TECPR1: variants seen among roughly 807,000 people sequenced by gnomAD.
TECPR1 encodes tectonin beta-propeller repeat containing 1, also known as tectonin beta-propeller repeat-containing protein 1.
TECPR1 carries 122 observed loss-of-function variants against 162.4 expected under a neutral mutation model. That is an observed-to-expected ratio of 0.75 (90% confidence interval 0.65 to 0.87). TECPR1 has a LOEUF of 0.87. Ranked by LOEUF, TECPR1 falls within the 40% of genes least tolerant of loss-of-function variation. TECPR1 has a pLI of 0.00. For missense variants in TECPR1, 1,432 were observed against 1,618.2 expected (o/e 0.88, Z 1.97); for synonymous variants, 642 against 670.6 (o/e 0.96, Z 0.66).
Position 98,232,728 on chromosome 7 carries a change from CATCT to C in TECPR1, c.1818+95_1818+98del, listed in dbSNP as rs1305102076. The C allele has an allele frequency of 5.8e-6, 8 of 1,381,142 alleles. No homozygotes were observed. Among genetic ancestry groups the C allele is most frequent in the Non-Finnish European group, 7.6e-6 (8 of 1,046,204 alleles). 85.6% of individuals were successfully genotyped at this position (1,381,142 alleles called of 1,614,324 possible). On this transcript the variant is annotated intron_variant, in intron 12 of 25. Coordinates refer to ENST00000447648, the MANE Select transcript of TECPR1 (RefSeq NM_015395.3). The surrounding 1 kb of genome is among the most constrained non-coding windows in gnomAD (Gnocchi z 4.6). ...TGGGCGGGAGACCAGGGGATGGAGG[CATCT>C]ATCTGTTTCTCTCAGAGCTGGTACA...
intron 16 of TECPR1, chr7:98,228,810 G>A: frequency 2.0e-6 from 1 of 509,414 alleles, no homozygotes; most frequent in Non-Finnish European, 3.4e-6. Context: ...ACATGCTGGT[G>A]GACCCTGGCC....
chr7:98,233,619 G>T lies in TECPR1; in HGVS notation c.1474C>A (p.Leu492Ile). 2 of 1,587,408 alleles carry T rather than the reference G, an allele frequency of 1.3e-6. No homozygotes were observed. ...PAELPWTNID[L>I]KEAKKVPSHS... Reference sequence around the variant, plus strand: ...CTGGGCACTTTCTTGGCCTCCTTGAGGTCAATATTGGTCCAGGGCAGCTCG... The same window carrying T: ...CTGGGCACTTTCTTGGCCTCCTTGATGTCAATATTGGTCCAGGGCAGCTCG... Residue 492 changes from leucine (L) to isoleucine (I), a missense_variant, in exon 11 of 26, where the codon CTC (leucine) becomes ATC (isoleucine). Transcript: ENST00000447648.
intron 2 of TECPR1, among the ~76,000 whole-genome samples, chr7:98,250,471 A>G (rs1799036747): frequency 6.6e-6 from 1 of 151,940 alleles, no homozygotes; most frequent in African/African-American, 2.4e-5. Context: ...CTGTAAAAAT[A>G]AAAAGTTAAA....
chr7:98,217,456 G>T lies in TECPR1; in HGVS notation c.3432C>A (p.Pro1144=). The T allele has an allele frequency of 6.2e-7, 1 of 1,610,502 alleles. No individual in the cohort carries two copies. The change falls in exon 26 of 26, where the codon CCC becomes CCA. Residue 1144 remains proline, a synonymous_variant. Transcript: ENST00000447648. ...ISVRANATRA[P]RSSSQEQEPS... ...GCTCCTGCTCCTGGGACGAGCTCCG[G>T]GGGGCCCTGGTGGCATTGGCCCGGA...
At chr7:98,236,997 A>C in intron 9 of TECPR1, 76 bp from the exon 10 acceptor site, 9 of 1,416,184 alleles carry the variant, frequency 6.4e-6, no homozygotes, top group Non-Finnish European at 8.4e-6. Flanking sequence ...GGGGTGCAAA[A>C]TGCAGGCAGG....
intron 10 of TECPR1, among the ~76,000 whole-genome samples, chr7:98,235,484 C>T (rs557364243): frequency 6.5e-4 from 93 of 142,262 alleles, no homozygotes; most frequent in Non-Finnish European, 1.2e-3. Context: ...AAGATCGCGC[C>T]GTGGCACTCC....
chr7:98,247,085 C>A (rs1307422702), intron 2 of TECPR1, among the ~76,000 whole-genome samples: 3 of 151,526 alleles, frequency 2.0e-5, no homozygotes, highest in African/African-American at 7.3e-5. Context: ...TTGCAGTGAG[C>A]AGACACAGTG....
intron 3 of TECPR1, among the ~76,000 whole-genome samples, chr7:98,245,337 G>A (rs1410020535): frequency 6.6e-6 from 1 of 152,252 alleles, no homozygotes; most frequent in African/African-American, 2.4e-5. Context: ...AGGCGGTGGA[G>A]GGCACACCTT....
At position 98,218,463 on chromosome 7, in the gene TECPR1, T is replaced by C. The variant is rs987589911; in HGVS notation, c.3158-421A>G. Among the ~76,000 whole-genome samples, 12 of 152,260 alleles carry C rather than the reference T, an allele frequency of 7.9e-5. No homozygotes were observed. The East Asian group carries it at 2.3e-3, about 29-fold the overall frequency. On this transcript the variant is annotated intron_variant, in intron 23 of 25. Transcript: ENST00000447648. ...TTTGCCCATGATAGGATCAAATACC[T>C]AGAAAACCCTAAAGACGCCTCCAAA...
At chr7:98,240,110 A>G (rs1292638558) in intron 8 of TECPR1, among the ~76,000 whole-genome samples, 1 of 152,054 alleles carries the variant, frequency 6.6e-6, no homozygotes. Flanking sequence ...CTCCGTCTCA[A>G]AAAAAACAAA....
chr7:98,231,415 CAGG>C, intron 13 of TECPR1, 42 bp from the exon 14 acceptor site: 2 of 1,554,896 alleles, frequency 1.3e-6, no homozygotes, highest in Non-Finnish European at 1.7e-6. Flanking sequence ...TCACCCAGGG[CAGG>C]AGGCCTCTGG....
chr7:98,242,923 C>CCTT (rs1798798253), intron 6 of TECPR1, among the ~76,000 whole-genome samples: 1 of 148,096 alleles, frequency 6.8e-6, no homozygotes, highest in Non-Finnish European at 1.5e-5. Context: ...CATCCACACA[C>CCTT]CCATCCGCCC....
chr7:98,216,538 T>A lies in TECPR1; in HGVS notation c.*852A>T, dbSNP rs1798011576. 6.7e-6 allele frequency: 1 copy of A among 149,410 alleles called. No homozygotes were observed. The highest frequency in any genetic ancestry group is 6.7e-5 in the Admixed American group (1 of 14,910). The allele number at this position is 149,410 out of a possible 1,614,324, so 9.3% of individuals were successfully genotyped here. On this transcript the variant is annotated 3_prime_UTR_variant, in exon 26 of 26. Transcript: ENST00000447648. ...CCATCCACTCCAGTGTTATTTCCAA[T>A]CTGCTGTCTCCTTCCTTCACTTTTT...
chr7:98,226,372 C>CGCTGAAAAGGTCACATATG (rs1798279793), intron 17 of TECPR1: 2 of 871,326 alleles, frequency 2.3e-6, no homozygotes, highest in Non-Finnish European at 2.8e-6. Flanking sequence ...TTCCATAGGA[C>CGCTGAAAAGGTCACATATG]GCTGAAAAGG....
intron 13 of TECPR1, 186 bp downstream of exon 13, chr7:98,231,618 G>A: frequency 1.7e-6 from 1 of 588,302 alleles, no homozygotes; most frequent in Non-Finnish European, 2.6e-6. Flanking sequence ...CCCCATTTCT[G>A]TACCCCCTTC....
chr7:98,222,532 C>G lies in TECPR1; in HGVS notation c.2929-11G>C, dbSNP rs774011003. ...CAGCCAGGAGGAGCCCTGGGGATAG[C>G]AAGGAGGGGCGCTGAGGTCACCAGG... On this transcript the variant is annotated splice_polypyrimidine_tract_variant and intron_variant, in intron 21 of 25. Coordinates refer to ENST00000447648, the MANE Select transcript of TECPR1 (RefSeq NM_015395.3). 1.3e-6 allele frequency: 2 copies of G among 1,566,116 alleles called. No individual in the cohort carries two copies.
intron 17 of TECPR1, among the ~76,000 whole-genome samples, chr7:98,227,077 T>C (rs989463327): frequency 6.6e-5 from 10 of 152,070 alleles, no homozygotes; most frequent in African/African-American, 2.4e-4. Flanking sequence ...TACCGTCTAA[T>C]AAAAGATGTC....
rs58936900 is a variant in TECPR1 at position 98,229,279 on chromosome 7, G to C, written c.2283-113C>G. 7 of 1,391,552 alleles carry C rather than the reference G, an allele frequency of 5.0e-6. No individual in the cohort carries two copies. The East Asian group carries it at 1.3e-4, about 25-fold the overall frequency. The allele number at this position is 1,391,552 out of a possible 1,614,324, so 86.2% of individuals were successfully genotyped here. A position where few individuals can be genotyped will look rare whatever the true frequency, so the allele number is the denominator to read the frequency against. The stretch of plus-strand genomic sequence containing the variant: ...TGGTTCTGGGATTTTCCCAGCCCTC[G>C]GTCTCCAAGCACAGACCATCCACCC... On this transcript the variant is annotated intron_variant, in intron 15 of 25. Transcript: ENST00000447648.
chr7:98,232,707 C>G lies in TECPR1; in HGVS notation c.1818+120G>C. 1 of 1,284,538 alleles carries G rather than the reference C, an allele frequency of 7.8e-7. No individual in the cohort carries two copies. The highest frequency in any genetic ancestry group is 1.6e-5 in the South Asian group (1 of 62,472). 79.6% of individuals were successfully genotyped at this position (1,284,538 alleles called of 1,614,324 possible). A position where few individuals can be genotyped will look rare whatever the true frequency, so the allele number is the denominator to read the frequency against. ...TCATTTCTCTATGCCTGCATCTGGG[C>G]GGGAGACCAGGGGATGGAGGCATCT... On this transcript the variant is annotated intron_variant, in intron 12 of 25. Coordinates refer to ENST00000447648, the MANE Select transcript of TECPR1 (RefSeq NM_015395.3). The surrounding 1 kb of genome is among the most constrained non-coding windows in gnomAD (Gnocchi z 4.6).
Sources: allele counts gnomAD v4.1 joint callset (sites outside exome capture counted in the v4.1 genomes callset), GRCh38; gene constraint gnomAD v4.1.1; non-coding constraint Gnocchi (gnomAD v3.1); transcripts MANE v1.5; gene names NCBI Gene and HGNC (gene_info 2026-07-23, HGNC 2026-07-21).